Variants in SLC14A2 observed in about 807,000 individuals in gnomAD.
The protein encoded by SLC14A2 is solute carrier family 14 member 2.
A neutral mutation model predicts 104.6 loss-of-function variants in SLC14A2; 91 were observed. That is an observed-to-expected ratio of 0.87 (90% CI 0.73 to 1.04). The LOEUF is 1.04. Ranked by LOEUF, SLC14A2 falls within the 50% of genes least tolerant of loss-of-function variation. The probability of loss-of-function intolerance (pLI) is 0.00; values close to 1 mark genes in which losing one functional copy is unlikely to be tolerated. For missense variants in SLC14A2, 1,189 were observed against 1,156.0 expected (o/e 1.03, Z -0.41); for synonymous variants, 476 against 466.4 (o/e 1.02, Z -0.27).
At chr18:45,673,619 C>A in intron 17 of SLC14A2, 64 bp from the exon 18 acceptor site, 1 of 1,568,542 alleles carries the variant, frequency 6.4e-7, no homozygotes, top group Non-Finnish European at 8.7e-7. Flanking sequence ...TGGTAGGTTT[C>A]AGGGCCAGCA....
intron 1 of SLC14A2, among the ~76,000 whole-genome samples, chr18:45,415,765 A>G (rs923472276): frequency 3.9e-5 from 6 of 152,120 alleles, no homozygotes; most frequent in African/African-American, 9.7e-5. Context: ...AGGCTGAGAG[A>G]CCATATCACA....
At chr18:45,556,846 G>A (rs2044139420) in intron 2 of SLC14A2, among the ~76,000 whole-genome samples, 1 of 152,162 alleles carries the variant, frequency 6.6e-6, no homozygotes, top group Admixed American at 6.5e-5. Context: ...ACATGGTTTT[G>A]ACTTTCCCAC....
At chr18:45,393,294 G>A (rs2085992210) in intron 1 of SLC14A2, among the ~76,000 whole-genome samples, 1 of 152,216 alleles carries the variant, frequency 6.6e-6, no homozygotes, top group Non-Finnish European at 1.5e-5. Context: ...ACTTAGAAGA[G>A]TCCAGGAAGA....
At chr18:45,469,057 T>C (rs1370591639) in intron 1 of SLC14A2, among the ~76,000 whole-genome samples, 1 of 151,840 alleles carries the variant, frequency 6.6e-6, no homozygotes, top group East Asian at 1.9e-4. Context: ...GAAGCGGAGG[T>C]TGCCCCTCTG....
chr18:45,540,653 G>A (rs2043871336), intron 2 of SLC14A2, among the ~76,000 whole-genome samples: 1 of 152,110 alleles, frequency 6.6e-6, no homozygotes, highest in Admixed American at 6.5e-5. Context: ...GCTAAGGCAG[G>A]AGAATCGCTT....
At chr18:45,318,248 C>T (rs1270304992) in intron 1 of SLC14A2, among the ~76,000 whole-genome samples, 2 of 152,094 alleles carry the variant, frequency 1.3e-5, no homozygotes, top group East Asian at 3.9e-4. Context: ...CAGCCTAGAC[C>T]TGGAGAGGAC....
chr18:45,553,493 G>A (rs1202487714), intron 2 of SLC14A2, among the ~76,000 whole-genome samples: 4 of 152,156 alleles, frequency 2.6e-5, no homozygotes, highest in Non-Finnish European at 4.4e-5. Context: ...TTGATCCATA[G>A]TTGAGATTTG....
the SLC14A2 span, among the ~76,000 whole-genome samples, chr18:45,190,219 G>A: frequency 2.6e-5 from 4 of 152,260 alleles, no homozygotes; most frequent in East Asian, 7.7e-4. Context: ...TTTTCCTGTT[G>A]ATATAATAAT....
intron 1 of SLC14A2, among the ~76,000 whole-genome samples, chr18:45,403,642 A>G (rs146462642): frequency 2.3e-4 from 35 of 152,204 alleles, no homozygotes; most frequent in African/African-American, 8.2e-4. Context: ...GGCCTAGTTC[A>G]TGGTCTTGGC....
At position 45,596,877 on chromosome 18, in the gene SLC14A2, G is replaced by C. The variant is rs117532162; in HGVS notation, c.-34-27754G>C. The stretch of plus-strand genomic sequence containing the variant: ...AGATGACACAAAAACTGCCTTCACA[G>C]CTGCTCTGCACTCCTCACCACTCAG... On this transcript the variant is annotated intron_variant, in intron 2 of 20. Coordinates refer to the SLC14A2 transcript ENST00000586448. Among the ~76,000 whole-genome samples the C allele has an allele frequency of 6.9e-3, 1,044 of 152,242 alleles. 6 individuals are homozygous for C. Among genetic ancestry groups the C allele is most frequent in the Non-Finnish European group, 9.6e-3 (654 of 68,006 alleles).
chr18:45,465,154 CAG>C (rs1204581176), intron 1 of SLC14A2, among the ~76,000 whole-genome samples: 2 of 151,684 alleles, frequency 1.3e-5, no homozygotes, highest in African/African-American at 4.8e-5. Context: ...AGAGGAGGGT[CAG>C]AGAGAGAGAG....
At position 45,486,223 on chromosome 18, in the gene SLC14A2, G is replaced by A. The variant is rs371925598; in HGVS notation, c.-35+2901G>A. ...TTAGATACCCACTGGGAGGGCAAAG[G>A]AGCCAGACAAGGGTCTCCTTTTATC... On this transcript the variant is annotated intron_variant, in intron 2 of 20. Transcript: ENST00000586448. 3.3e-5 allele frequency among the ~76,000 whole-genome samples: 5 copies of A among 152,252 alleles called. No homozygotes were observed. The South Asian group carries it at 1.0e-3, about 32-fold the overall frequency.
chr18:45,415,401 T>C (rs1433663793), intron 1 of SLC14A2, among the ~76,000 whole-genome samples: 1 of 152,168 alleles, frequency 6.6e-6, no homozygotes, highest in African/African-American at 2.4e-5. Context: ...CTTGATGACA[T>C]AATGAATTTC....
intron 1 of SLC14A2, among the ~76,000 whole-genome samples, chr18:45,273,949 T>G (rs921322050): frequency 1.3e-5 from 2 of 152,212 alleles, no homozygotes; most frequent in South Asian, 2.1e-4. Flanking sequence ...TATTTAACAT[T>G]TAATGCATTT....
At chr18:45,484,948 C>T (rs1243544216) in intron 2 of SLC14A2, among the ~76,000 whole-genome samples, 1 of 152,126 alleles carries the variant, frequency 6.6e-6, no homozygotes, top group Non-Finnish European at 1.5e-5. Flanking sequence ...TCCAGAAGTA[C>T]CTTACCAACA....
chr18:45,466,284 G>C (rs910912429), intron 1 of SLC14A2, among the ~76,000 whole-genome samples: 1 of 151,924 alleles, frequency 6.6e-6, no homozygotes, highest in African/African-American at 2.4e-5. Flanking sequence ...AGAAAAGAAG[G>C]GGGTAGAGGG....
intron 1 of SLC14A2, among the ~76,000 whole-genome samples, chr18:45,400,017 A>C (rs896094366): frequency 6.6e-6 from 1 of 152,294 alleles, no homozygotes; most frequent in South Asian, 2.1e-4. Context: ...GGAGCTTGTC[A>C]CTGGCAATTG....
chr18:45,297,586 T>C (rs991069720), intron 1 of SLC14A2, among the ~76,000 whole-genome samples: 3 of 152,254 alleles, frequency 2.0e-5, no homozygotes, highest in Admixed American at 1.3e-4. Context: ...TCTTCCTGGG[T>C]CTCAATTGCT....
intron 3 of SLC14A2, 27 bp downstream of exon 3, chr18:45,625,890 GC>G: frequency 7.1e-7 from 1 of 1,399,624 alleles, no homozygotes; most frequent in Non-Finnish European, 9.3e-7. Flanking sequence ...GGGAGAGGCA[GC>G]CAGACCAGGC....
Sources: allele counts gnomAD v4.1 joint callset (sites outside exome capture counted in the v4.1 genomes callset), GRCh38; gene constraint gnomAD v4.1.1; transcripts MANE v1.5; gene names NCBI Gene and HGNC (gene_info 2026-07-23, HGNC 2026-07-21).